RECQL5: variants seen among roughly 807,000 people sequenced by gnomAD.
The protein encoded by RECQL5 is ATP-dependent DNA helicase Q5.
In RECQL5, 88 loss-of-function variants were observed where a neutral mutation model predicts 103.4. The ratio of observed to expected loss-of-function variants is 0.85; its 90% CI spans 0.72 to 1.02. RECQL5 has a LOEUF of 1.02. Ranked by LOEUF, RECQL5 falls within the 50% of genes least tolerant of loss-of-function variation. The pLI is 0.00. For missense variants in RECQL5, 1,232 were observed against 1,284.3 expected, an observed-to-expected ratio of 0.96 and a Z score of 0.62; for synonymous variants, 552 against 507.9, an observed-to-expected ratio of 1.09 and a Z score of -1.17.
intron 6 of RECQL5, among the ~76,000 whole-genome samples, chr17:75,659,707 C>T (rs779953765): frequency 1.1e-4 from 17 of 152,142 alleles, no homozygotes; most frequent in Admixed American, 3.9e-4. Flanking sequence ...TCAAATGTAA[C>T]GCACTATAAA....
chr17:75,634,596 A>C (rs1436062735), intron 8 of RECQL5, among the ~76,000 whole-genome samples: 2 of 152,194 alleles, frequency 1.3e-5, no homozygotes, highest in Non-Finnish European at 2.9e-5. Context: ...ATTAGGGCAG[A>C]GCCCTGTCGA....
At chr17:75,662,454 C>T in intron 4 of RECQL5, 25 bp downstream of exon 4, 1 of 1,604,000 alleles carries the variant, frequency 6.2e-7, no homozygotes, top group Non-Finnish European at 8.5e-7. Context: ...CTAACAGCTG[C>T]TTGGCCTCCA....
intron 8 of RECQL5, chr17:75,647,261 G>A: frequency 1.1e-6 from 1 of 908,492 alleles, no homozygotes; most frequent in Non-Finnish European, 1.6e-6. Flanking sequence ...AGGCGGGCCG[G>A]CTGCTCACAG....
intron 8 of RECQL5, among the ~76,000 whole-genome samples, chr17:75,642,863 T>C (rs1340439484): frequency 6.6e-6 from 1 of 152,230 alleles, no homozygotes; most frequent in Non-Finnish European, 1.5e-5. Flanking sequence ...CAGGGCCTGC[T>C]TGAGTCCAGC....
Position 75,631,256 on chromosome 17 carries a change from A to C in RECQL5, c.1449-7T>G. 6.2e-7 allele frequency: 1 copy of C among 1,613,458 alleles called. No homozygotes were observed. Among genetic ancestry groups the C allele is most frequent in the Non-Finnish European group, 8.5e-7 (1 of 1,179,762 alleles). ...TCCAGAACCTTCGTCATACCTAGGG[A>C]CAGGCCAGGCGTGAGTGGCCCTGGC... On this transcript the variant is annotated splice_region_variant and splice_polypyrimidine_tract_variant and intron_variant, in intron 9 of 19. Coordinates refer to ENST00000317905, the MANE Select transcript of RECQL5 (RefSeq NM_004259.7).
At position 75,630,647 on chromosome 17, in the gene RECQL5, T is replaced by G. The variant is rs1402458870; in HGVS notation, c.1690A>C (p.Asn564His). ...TCAGCGGTACGTGTTGACTGGCGGT[T>G]GCTGCTCAGCGCCTCCTCCAGAAGC... ...LRLLEEALSS[N>H]RQSTRTADEA... The change falls in exon 13 of 20, where the codon AAC becomes CAC. Residue 564 changes from asparagine (N) to histidine (H), a missense_variant. Coordinates refer to ENST00000317905, the MANE Select transcript of RECQL5 (RefSeq NM_004259.7). 1.2e-6 allele frequency: 2 copies of G among 1,613,356 alleles called. No individual in the cohort carries two copies. Among genetic ancestry groups the G allele is most frequent in the African/African-American group, 2.7e-5 (2 of 74,922 alleles).
rs541964796 is a variant in RECQL5, at chr17:75,630,846, G to T, written c.1586-9C>A. 2.7e-3 allele frequency: 3,975 copies of T among 1,452,950 alleles called. 191 individuals carry two copies. In the African/African-American group the frequency reaches 0.048, roughly 18 times the overall value. The allele number at this position is 1,452,950 out of a possible 1,614,324, so 90.0% of individuals were successfully genotyped here. On this transcript the variant is annotated splice_polypyrimidine_tract_variant and intron_variant, in intron 11 of 19. Transcript: ENST00000317905. ...CAGGGGACAGTTCTCATCTGTGGGG[G>T]GGGGGGGTGGTCCTTGGTCCTTTCG...
At chr17:75,639,866 T>C in intron 8 of RECQL5, 1 of 234,398 alleles carries the variant, frequency 4.3e-6, no homozygotes, top group Non-Finnish European at 8.3e-6. Flanking sequence ...CCAGTAGTGG[T>C]ACCTCAAGAC....
At chr17:75,633,476 G>T in intron 8 of RECQL5, 1 of 1,289,096 alleles carries the variant, frequency 7.8e-7, no homozygotes, top group South Asian at 1.2e-5. Flanking sequence ...GGAACATGAG[G>T]CGCCTTGCCG....
intron 6 of RECQL5, among the ~76,000 whole-genome samples, chr17:75,658,959 G>C (rs1361414943): frequency 6.6e-6 from 1 of 152,198 alleles, no homozygotes; most frequent in African/African-American, 2.4e-5. Context: ...ACACAGTAAA[G>C]GGTCAGCAGA....
chr17:75,628,578 C>G, intron 17 of RECQL5, 94 bp downstream of exon 17: 1 of 1,503,220 alleles, frequency 6.7e-7, no homozygotes, highest in South Asian at 1.3e-5. Context: ...GGAAAGAAAG[C>G]TGATTTTCCC....
intron 8 of RECQL5, chr17:75,650,849 C>T (rs919550404): frequency 1.8e-5 from 27 of 1,472,862 alleles, no homozygotes; most frequent in East Asian, 5.0e-5. Flanking sequence ...AGTCCCAGCT[C>T]GGTGGCACAT....
chr17:75,635,904 C>T (rs1280086290), intron 8 of RECQL5: 20 of 979,742 alleles, frequency 2.0e-5, no homozygotes, highest in East Asian at 1.1e-4. Flanking sequence ...AGGGAAGCTT[C>T]GGGACCAAGT....
rs769730810 is a variant in RECQL5, at chr17:75,658,369, G to A, written c.1078C>T (p.Arg360Cys). The change falls in exon 7 of 20, where the codon CGT becomes TGT. Residue 360 changes from arginine (R) to cysteine (C), a missense_variant. By Grantham distance (180) the Arg-to-Cys change is radical. Transcript: ENST00000317905. ...CGGTCATTCCTGGAGTAATAGAGAC[G>A]GCACCAGGAAGGCTTCCCATCCCTG... Reference protein sequence around the residue: ...AGRDGKPSWCRLYYSRNDRDQ... With the variant: ...AGRDGKPSWCCLYYSRNDRDQ... The A allele has an allele frequency of 1.8e-5, 29 of 1,613,862 alleles. No homozygotes were observed. The highest frequency in any genetic ancestry group is 6.7e-5 in the African/African-American group (5 of 74,882).
intron 8 of RECQL5, among the ~76,000 whole-genome samples, chr17:75,632,931 T>C (rs912669672): frequency 6.6e-6 from 1 of 152,218 alleles, no homozygotes; most frequent in Non-Finnish European, 1.5e-5. Flanking sequence ...CTGCTGCGGC[T>C]GCAAGAAGCC....
rs114835276 is a variant in RECQL5, at chr17:75,643,802, T to A, written c.1229+7384A>T. On this transcript the variant is annotated intron_variant, in intron 8 of 19. Transcript: ENST00000317905. ...CTCTGTTCCCGCCACTGTGCCATCC[T>A]GGACCATGCCACCATCAATGCTTAC... 7.4e-3 allele frequency among the ~76,000 whole-genome samples: 1,125 copies of A among 152,360 alleles called. 10 individuals carry two copies. Among genetic ancestry groups the A allele is most frequent in the African/African-American group, 0.026 (1,074 of 41,588 alleles).
Position 75,640,117 on chromosome 17 carries a change from A to G in RECQL5, c.1230-8449T>C. On this transcript the variant is annotated intron_variant, in intron 8 of 19. Transcript: ENST00000317905. The surrounding 1 kb of genome is among the most constrained non-coding windows in gnomAD (Gnocchi z 4.6). ...AGGGTGGAATCTCGGTGCTGCGACGAGTGTGGGGCCAGCCGTGGAGGCTCC... is the reference window on the plus strand; with the variant it reads ...AGGGTGGAATCTCGGTGCTGCGACGGGTGTGGGGCCAGCCGTGGAGGCTCC... 1 of 1,441,906 alleles carries G rather than the reference A, an allele frequency of 6.9e-7. No homozygotes were observed. Among genetic ancestry groups the G allele is most frequent in the South Asian group, 1.4e-5 (1 of 69,828 alleles). The allele number at this position is 1,441,906 out of a possible 1,614,324, so 89.3% of individuals were successfully genotyped here.
At chr17:75,654,179 T>C (rs542912413) in intron 7 of RECQL5, among the ~76,000 whole-genome samples, 4 of 152,398 alleles carry the variant, frequency 2.6e-5, no homozygotes, top group Admixed American at 2.6e-4. Context: ...TCCTTTCTTG[T>C]GTAACTGTGT....
intron 8 of RECQL5, chr17:75,641,046 C>A: frequency 7.3e-7 from 1 of 1,372,436 alleles, no homozygotes; most frequent in Non-Finnish European, 9.7e-7. Context: ...ACACTGACAA[C>A]TTGAGCCCTA....
Sources: allele counts gnomAD v4.1 joint callset (sites outside exome capture counted in the v4.1 genomes callset), GRCh38; gene constraint gnomAD v4.1.1; non-coding constraint Gnocchi (gnomAD v3.1); transcripts MANE v1.5; gene names NCBI Gene and HGNC (gene_info 2026-07-23, HGNC 2026-07-21).